Variants in MRPL48 observed in about 807,000 individuals in gnomAD.
MRPL48 encodes the protein mitochondrial ribosomal protein L48.
Under a neutral mutation model 32.9 loss-of-function variants are expected in MRPL48, and 16 were observed. The observed-to-expected ratio is 0.49, with a 90% CI of 0.33 to 0.74. The LOEUF (loss-of-function observed/expected upper bound fraction) is 0.74, where lower values mean the gene tolerates loss of function less well. MRPL48 is among the 30% of genes least tolerant of loss of function. The pLI is 0.02. For missense variants in MRPL48, 206 were observed against 245.3 expected (o/e 0.84, Z 1.07); for synonymous variants, 94 against 89.2 (o/e 1.05, Z -0.31).
chr11:73,820,819 C>CG (rs1263757729), intron 3 of MRPL48, among the ~76,000 whole-genome samples: 42 of 152,084 alleles, frequency 2.8e-4, no homozygotes, highest in Admixed American at 2.8e-3. Flanking sequence ...GCTACTTCCC[C>CG]CCCACTATCC....
In MRPL48 at chr11:73,787,907, C is replaced by T. The variant is rs1947067389; in HGVS notation, c.-65C>T. ...CGTTCCTTCAGTGTTTTCAGACGCC[C>T]TGGGAACGCGGCTGCAGGGTCCGGT... On this transcript the variant is annotated 5_prime_UTR_variant, in exon 1 of 8. Transcript: ENST00000310614. The T allele has an allele frequency of 1.3e-6, 2 of 1,592,044 alleles. No individual in the cohort carries two copies. Among genetic ancestry groups the T allele is most frequent in the Non-Finnish European group, 1.7e-6 (2 of 1,167,274 alleles).
intron 5 of MRPL48, among the ~76,000 whole-genome samples, chr11:73,858,134 C>A (rs1399985879): frequency 1.3e-5 from 2 of 152,112 alleles, no homozygotes; most frequent in Non-Finnish European, 2.9e-5. Flanking sequence ...ACTTGAACAT[C>A]CATAAGAAGT....
chr11:73,815,370 C>T (rs1160871661), intron 3 of MRPL48, among the ~76,000 whole-genome samples: 1 of 152,012 alleles, frequency 6.6e-6, no homozygotes, highest in African/African-American at 2.4e-5. Context: ...GCCGAGACCA[C>T]GCCATCGCAC....
intron 1 of MRPL48, chr11:73,789,375 T>G (rs923328366): frequency 1.1e-4 from 16 of 152,202 alleles, no homozygotes; most frequent in African/African-American, 3.6e-4. Context: ...TGGAAATCTG[T>G]CATTAAGGCC....
At chr11:73,813,869 G>A (rs1461980688) in intron 3 of MRPL48, among the ~76,000 whole-genome samples, 1 of 151,278 alleles carries the variant, frequency 6.6e-6, no homozygotes, top group Non-Finnish European at 1.5e-5. Context: ...GTGAAACCCC[G>A]TCTCTACTAA....
intron 4 of MRPL48, among the ~76,000 whole-genome samples, chr11:73,840,285 G>T (rs1256643856): frequency 6.6e-6 from 1 of 152,134 alleles, no homozygotes; most frequent in Non-Finnish European, 1.5e-5. Flanking sequence ...TTGAACCCAG[G>T]AGTTTGAGAC....
At position 73,856,188 on chromosome 11, in the gene MRPL48, G is replaced by T. The variant is rs553860644; in HGVS notation, c.372-3719G>T. ...GGCTCTTTGCTCCAAACAGCTCAGAGCATAAAGAGCTGTTTGTTTTTAGCA... is the reference window on the plus strand; with the variant it reads ...GGCTCTTTGCTCCAAACAGCTCAGATCATAAAGAGCTGTTTGTTTTTAGCA... On this transcript the variant is annotated intron_variant, in intron 5 of 7. Transcript: ENST00000310614. 5.8e-4 allele frequency among the ~76,000 whole-genome samples: 88 copies of T among 152,306 alleles called. 1 individual carries two copies. Among genetic ancestry groups the T allele is most frequent in the Middle Eastern group, 6.8e-3 (2 of 294 alleles).
chr11:73,814,924 G>A (rs1298756608), intron 3 of MRPL48, among the ~76,000 whole-genome samples: 1 of 151,988 alleles, frequency 6.6e-6, no homozygotes, highest in African/African-American at 2.4e-5. Context: ...CCTGGGAGGC[G>A]GAGGTTGCAG....
At chr11:73,839,873 G>A (rs1948159718) in intron 4 of MRPL48, among the ~76,000 whole-genome samples, 1 of 152,174 alleles carries the variant, frequency 6.6e-6, no homozygotes, top group African/African-American at 2.4e-5. Flanking sequence ...TGAGGTGGAA[G>A]GATCGCTTGA....
intron 1 of MRPL48, among the ~76,000 whole-genome samples, chr11:73,796,293 C>T (rs568902861): frequency 1.3e-5 from 2 of 152,260 alleles, no homozygotes; most frequent in Non-Finnish European, 2.9e-5. Context: ...CCCCAGCCCT[C>T]GCAGGCTCAG....
intron 5 of MRPL48, among the ~76,000 whole-genome samples, chr11:73,853,836 C>G (rs1351658745): frequency 2.0e-5 from 3 of 151,424 alleles, no homozygotes; most frequent in East Asian, 2.0e-4. Context: ...GACTACAGGT[C>G]CCTGCCACCA....
intron 4 of MRPL48, among the ~76,000 whole-genome samples, chr11:73,831,276 G>T (rs945541932): frequency 2.6e-5 from 4 of 152,164 alleles, no homozygotes; most frequent in African/African-American, 9.7e-5. Context: ...TCAGGTGGCA[G>T]CATGGGGCAT....
intron 1 of MRPL48, among the ~76,000 whole-genome samples, chr11:73,795,562 A>G (rs970357219): frequency 6.6e-6 from 1 of 151,682 alleles, no homozygotes; most frequent in Non-Finnish European, 1.5e-5. Context: ...GCTGGAGTAC[A>G]GTGGCGCGAT....
intron 4 of MRPL48, among the ~76,000 whole-genome samples, chr11:73,837,395 A>C (rs1446726537): frequency 1.3e-5 from 2 of 150,630 alleles, no homozygotes; most frequent in African/African-American, 4.9e-5. Flanking sequence ...GTGTAGAATT[A>C]GGGGGAAGGA....
chr11:73,812,734 A>ATT (rs200574504), intron 3 of MRPL48, among the ~76,000 whole-genome samples: 14,223 of 141,112 alleles, frequency 0.1, 762 homozygotes, highest in South Asian at 0.26. Flanking sequence ...ATATATATAT[A>ATT]TATATATTTA....
At chr11:73,819,005 T>G (rs1947725966) in intron 3 of MRPL48, among the ~76,000 whole-genome samples, 1 of 152,230 alleles carries the variant, frequency 6.6e-6, no homozygotes, top group Non-Finnish European at 1.5e-5. Flanking sequence ...GAGGCTGCAA[T>G]GTTAATGTGA....
At chr11:73,812,828 C>A (rs1319258722) in intron 3 of MRPL48, among the ~76,000 whole-genome samples, 1 of 151,170 alleles carries the variant, frequency 6.6e-6, no homozygotes. Flanking sequence ...TGGCTCACTG[C>A]AACCTCCACC....
chr11:73,846,289 G>A (rs1254254234), intron 5 of MRPL48, among the ~76,000 whole-genome samples: 1 of 151,924 alleles, frequency 6.6e-6, no homozygotes, highest in Non-Finnish European at 1.5e-5. Flanking sequence ...GGTCATCCAT[G>A]TGGTAGCATA....
At chr11:73,809,265 TGGGAGGCCGAGGAGGG>T (rs1331093089) in intron 3 of MRPL48, among the ~76,000 whole-genome samples, 1 of 152,036 alleles carries the variant, frequency 6.6e-6, no homozygotes. Context: ...CCCAGCACTT[TGGGAGGCCGAGGAGGG>T]CGGATCATGA....
Sources: allele counts gnomAD v4.1 joint callset (sites outside exome capture counted in the v4.1 genomes callset), GRCh38; gene constraint gnomAD v4.1.1; transcripts MANE v1.5; gene names NCBI Gene and HGNC (gene_info 2026-07-23, HGNC 2026-07-21).